CENPU: variants seen among roughly 807,000 people sequenced by gnomAD.
CENPU encodes centromere protein U.
A neutral mutation model predicts 56.7 loss-of-function variants in CENPU; 46 were observed. The ratio of observed to expected loss-of-function variants is 0.81; its 90% confidence interval spans 0.64 to 1.04. The LOEUF is 1.04. Ranked by LOEUF, CENPU falls within the 50% of genes least tolerant of loss-of-function variation. CENPU has a pLI of 0.00. For synonymous variants in CENPU, 166 were observed against 163.0 expected (o/e 1.02, Z -0.14); for missense variants, 510 against 490.1 (o/e 1.04, Z -0.38).
At chr4:184,724,185 G>A (rs1365695491) in intron 4 of CENPU, among the ~76,000 whole-genome samples, 2 of 152,110 alleles carry the variant, frequency 1.3e-5, no homozygotes, top group African/African-American at 2.4e-5. Flanking sequence ...AGAATGGCGT[G>A]AACCCGGGAG....
chr4:184,728,816 G>C, intron 3 of CENPU, 102 bp downstream of exon 3: 1 of 812,170 alleles, frequency 1.2e-6, no homozygotes, highest in South Asian at 1.8e-5. Context: ...TTACATGCAG[G>C]CAACTAATTT....
chr4:184,731,081 T>A (rs1761627956), intron 1 of CENPU, 113 bp from the exon 2 acceptor site: 5 of 745,168 alleles, frequency 6.7e-6, no homozygotes, highest in Non-Finnish European at 1.1e-5. Context: ...CAAGAACCCA[T>A]ATTCCACAAA....
intron 3 of CENPU, among the ~76,000 whole-genome samples, chr4:184,727,072 C>T (rs375957349): frequency 2.2e-4 from 32 of 146,336 alleles, no homozygotes; most frequent in African/African-American, 7.2e-4. Context: ...GCCGAGATCG[C>T]GCCACTGCAC....
intron 8 of CENPU, 104 bp downstream of exon 8, chr4:184,709,967 AC>A (rs1251224420): frequency 1.1e-5 from 5 of 449,164 alleles, no homozygotes; most frequent in African/African-American, 8.1e-5. Context: ...AATATCTAAA[AC>A]AATGACAATG....
At chr4:184,728,698 T>C (rs6843169) in intron 3 of CENPU, among the ~76,000 whole-genome samples, 152,141 of 152,304 alleles carry the variant, frequency 1, 75,990 homozygotes, top group Non-Finnish European at 1. Flanking sequence ...AGATTGTTAA[T>C]GAATACTACT....
intron 8 of CENPU, among the ~76,000 whole-genome samples, chr4:184,706,659 C>A (rs1345322312): frequency 6.6e-6 from 1 of 152,206 alleles, no homozygotes; most frequent in Non-Finnish European, 1.5e-5. Flanking sequence ...TACAAACAGA[C>A]CCTTAAACAG....
chr4:184,730,639 T>A (rs903541541), intron 2 of CENPU, among the ~76,000 whole-genome samples: 1 of 151,624 alleles, frequency 6.6e-6, no homozygotes, highest in Non-Finnish European at 1.5e-5. Flanking sequence ...GAGAAATGGC[T>A]TTAAGTGAAA....
At chr4:184,702,497 C>T (rs996523786) in intron 8 of CENPU, 56 bp from the exon 9 acceptor site, 8 of 1,313,948 alleles carry the variant, frequency 6.1e-6, no homozygotes, top group Non-Finnish European at 8.5e-6. Context: ...AAAGGTGTTT[C>T]ATTTGCTTAG....
At chr4:184,709,018 AAAAGTT>A (rs59696457) in intron 8 of CENPU, among the ~76,000 whole-genome samples, 13,294 of 152,154 alleles carry the variant, frequency 0.087, 1,189 homozygotes, top group East Asian at 0.47. Flanking sequence ...AGTAGAATAA[AAAAGTT>A]AAAGAAGTAA....
intron 8 of CENPU, among the ~76,000 whole-genome samples, chr4:184,705,511 T>TA (rs1760696340): frequency 6.6e-6 from 1 of 152,072 alleles, no homozygotes; most frequent in Non-Finnish European, 1.5e-5. Context: ...ATGCATATGA[T>TA]AAAATCCCTA....
intron 12 of CENPU, among the ~76,000 whole-genome samples, chr4:184,697,070 G>A (rs1358828752): frequency 2.0e-5 from 3 of 151,924 alleles, no homozygotes; most frequent in East Asian, 1.9e-4. Context: ...TAGTAGAGAT[G>A]GGGTTTCACC....
chr4:184,700,586 A>G (rs1433282143), intron 11 of CENPU, among the ~76,000 whole-genome samples: 1 of 152,204 alleles, frequency 6.6e-6, no homozygotes, highest in Non-Finnish European at 1.5e-5. Context: ...GAATCTAGGC[A>G]TTATATCTCT....
intron 2 of CENPU, among the ~76,000 whole-genome samples, chr4:184,730,452 A>G (rs1761598844): frequency 6.6e-6 from 1 of 151,250 alleles, no homozygotes; most frequent in South Asian, 2.1e-4. Context: ...TGAGATTACA[A>G]TGTCAATCAC....
At chr4:184,717,818 A>G (rs1269725974) in intron 4 of CENPU, among the ~76,000 whole-genome samples, 1 of 152,190 alleles carries the variant, frequency 6.6e-6, no homozygotes, top group East Asian at 1.9e-4. Flanking sequence ...TATTAGGAAA[A>G]GCATCACAGT....
intron 12 of CENPU, among the ~76,000 whole-genome samples, chr4:184,696,375 T>C (rs7660064): frequency 0.18 from 27,264 of 152,014 alleles, 2,736 homozygotes; most frequent in African/African-American, 0.27. Flanking sequence ...GAGCTCACTC[T>C]AAGAACAGGA....
intron 7 of CENPU, among the ~76,000 whole-genome samples, chr4:184,711,729 T>C (rs1475752865): frequency 6.6e-6 from 1 of 152,220 alleles, no homozygotes; most frequent in Non-Finnish European, 1.5e-5. Context: ...GGCAGTTTCT[T>C]GTAAAATTTA....
At position 184,694,681 on chromosome 4, in the gene CENPU, G is replaced by A; in HGVS notation, c.*607C>T. ...TTATTTTTTAGAAGCTACTGAAGAT[G>A]CTGAATTAGCTGAAGCTGCAGAGAA... On this transcript the variant is annotated 3_prime_UTR_variant, in exon 13 of 13. Coordinates refer to ENST00000281453, the MANE Select transcript of CENPU (RefSeq NM_024629.4). The A allele has an allele frequency of 6.2e-7, 1 of 1,614,012 alleles. No individual in the cohort carries two copies. Among genetic ancestry groups the A allele is most frequent in the South Asian group, 1.1e-5 (1 of 91,078 alleles).
intron 10 of CENPU, among the ~76,000 whole-genome samples, chr4:184,701,279 A>C (rs4862405): frequency 1 from 152,115 of 152,274 alleles, 75,979 homozygotes; most frequent in Non-Finnish European, 1. Flanking sequence ...ATTATCTCGG[A>C]CATTCAGTCA....
chr4:184,697,766 C>G lies in CENPU; in HGVS notation c.1024G>C (p.Asp342His). The G allele has an allele frequency of 6.2e-7, 1 of 1,609,754 alleles. No homozygotes were observed. The highest frequency in any genetic ancestry group is 8.5e-7 in the Non-Finnish European group (1 of 1,179,000). Residue 342 changes from aspartate to histidine, a missense_variant, in exon 12 of 13, where the codon GAT becomes CAT. Physicochemically the swap from Asp to His is moderately conservative, Grantham distance 81. Coordinates refer to ENST00000281453, the MANE Select transcript of CENPU (RefSeq NM_024629.4). The part of the protein sequence containing the change: ...PQLKQLQTKY[D>H]ELKERKSSLR... ...GAAGACTTTCTCTCTTTAAGTTCATCATATTTTGTTTGTAGTTGTTTCAGC... is the reference window on the plus strand; with the variant it reads ...GAAGACTTTCTCTCTTTAAGTTCATGATATTTTGTTTGTAGTTGTTTCAGC...
Sources: allele counts gnomAD v4.1 joint callset (sites outside exome capture counted in the v4.1 genomes callset), GRCh38; gene constraint gnomAD v4.1.1; transcripts MANE v1.5; gene names NCBI Gene and HGNC (gene_info 2026-07-23, HGNC 2026-07-21).